PIK3CB: variants seen among roughly 807,000 people sequenced by gnomAD.
The protein encoded by PIK3CB is phosphatidylinositol-4,5-bisphosphate 3-kinase catalytic subunit beta, also known as phosphatidylinositol 4,5-bisphosphate 3-kinase catalytic subunit beta isoform.
A neutral mutation model predicts 136.8 loss-of-function variants in PIK3CB; 39 were observed. The ratio of observed to expected loss-of-function variants is 0.29; its 90% CI spans 0.22 to 0.37. PIK3CB has a LOEUF of 0.37. Ranked by LOEUF, PIK3CB falls within the 10% of genes least tolerant of loss-of-function variation. The pLI, the probability that PIK3CB is intolerant of heterozygous loss-of-function variation, is 1.00. For synonymous variants in PIK3CB, 428 were observed against 436.6 expected (o/e 0.98, Z 0.25); for missense variants, 868 against 1,275.4 (o/e 0.68, Z 4.87).
chr3:138,686,556 AAAG>A (rs972118062), intron 16 of PIK3CB, among the ~76,000 whole-genome samples: 1 of 152,210 alleles, frequency 6.6e-6, no homozygotes, highest in Non-Finnish European at 1.5e-5. Flanking sequence ...AGCCACGCAT[AAAG>A]AAGGAGCAGC....
chr3:138,664,125 G>A, intron 20 of PIK3CB, 96 bp from the exon 21 acceptor site: 3 of 1,415,180 alleles, frequency 2.1e-6, no homozygotes, highest in Non-Finnish European at 1.9e-6. Context: ...TTTTAATTGT[G>A]AGGAGAACAC....
At chr3:138,738,005 C>A (rs1392003840) in intron 5 of PIK3CB, 119 bp from the exon 6 acceptor site, 12 of 499,710 alleles carry the variant, frequency 2.4e-5, no homozygotes, top group Non-Finnish European at 3.3e-5. Flanking sequence ...ATGGGTACAT[C>A]CTTAACAAAT....
intron 8 of PIK3CB, among the ~76,000 whole-genome samples, chr3:138,725,140 A>C (rs1318387636): frequency 6.6e-6 from 1 of 152,140 alleles, no homozygotes; most frequent in African/African-American, 2.4e-5. Flanking sequence ...CTTCACTTCT[A>C]TGCAATATAT....
intron 3 of PIK3CB, among the ~76,000 whole-genome samples, chr3:138,758,661 C>T (rs1359331375): frequency 4.6e-5 from 7 of 152,162 alleles, no homozygotes; most frequent in Middle Eastern, 3.4e-3. Flanking sequence ...TTAAAAATAC[C>T]GTAACTCCTG....
intron 13 of PIK3CB, among the ~76,000 whole-genome samples, chr3:138,696,100 C>T (rs981969101): frequency 6.6e-6 from 1 of 151,596 alleles, no homozygotes; most frequent in Non-Finnish European, 1.5e-5. Context: ...TAATTTGACA[C>T]ATTAGAATTC....
intron 1 of PIK3CB, among the ~76,000 whole-genome samples, chr3:138,821,282 C>A (rs1171978515): frequency 1.8e-4 from 23 of 130,104 alleles, no homozygotes; most frequent in Non-Finnish European, 2.2e-4. Context: ...GACTCCGTCT[C>A]AAAAAAAAAA....
chr3:138,820,768 A>G (rs547212026), intron 1 of PIK3CB, among the ~76,000 whole-genome samples: 1 of 152,312 alleles, frequency 6.6e-6, no homozygotes, highest in South Asian at 2.1e-4. Context: ...TGCTGGGATT[A>G]TAGGCATGAG....
intron 3 of PIK3CB, among the ~76,000 whole-genome samples, chr3:138,757,495 A>G (rs188331323): frequency 6.6e-6 from 1 of 150,982 alleles, no homozygotes; most frequent in African/African-American, 2.4e-5. Flanking sequence ...ACACACACAC[A>G]CACACACACA....
intron 18 of PIK3CB, 42 bp from the exon 19 acceptor site, chr3:138,682,087 T>G: frequency 8.1e-7 from 1 of 1,228,358 alleles, no homozygotes; most frequent in Non-Finnish European, 1.2e-6. Context: ...GCTTTTCCTT[T>G]TATGCCCTGT....
chr3:138,790,682 C>T (rs1397152319), intron 2 of PIK3CB, among the ~76,000 whole-genome samples: 9 of 150,452 alleles, frequency 6.0e-5, no homozygotes, highest in Non-Finnish European at 8.9e-5. Context: ...GGCGTGGTGG[C>T]GGGTGCCTGT....
chr3:138,655,181 T>C lies in PIK3CB; in HGVS notation c.*208A>G. On this transcript the variant is annotated 3_prime_UTR_variant, in exon 24 of 24. Transcript: ENST00000674063. Reference sequence around the variant, plus strand: ...GATTATCCATTGACAGTTTTCATGATAAGTCTTGGAAGCATTCAAAAAGCA... The same window carrying C: ...GATTATCCATTGACAGTTTTCATGACAAGTCTTGGAAGCATTCAAAAAGCA... 1 of 511,926 alleles carries C rather than the reference T, an allele frequency of 2.0e-6. No individual in the cohort carries two copies. Among genetic ancestry groups the C allele is most frequent in the Non-Finnish European group, 3.4e-6 (1 of 290,794 alleles). 31.7% of individuals were successfully genotyped at this position (511,926 alleles called of 1,614,324 possible). A position where few individuals can be genotyped will look rare whatever the true frequency, so the allele number is the denominator to read the frequency against.
intron 2 of PIK3CB, among the ~76,000 whole-genome samples, chr3:138,774,182 G>A (rs1188715613): frequency 6.6e-6 from 1 of 152,152 alleles, no homozygotes; most frequent in African/African-American, 2.4e-5. Context: ...AATACCTATT[G>A]CAAAGCAAAC....
At chr3:138,676,479 G>T (rs1190727485) in intron 19 of PIK3CB, among the ~76,000 whole-genome samples, 1 of 152,118 alleles carries the variant, frequency 6.6e-6, no homozygotes, top group East Asian at 1.9e-4. Context: ...TTTACCAAAA[G>T]AATTTAAAAC....
chr3:138,729,258 G>C (rs2044915099), intron 8 of PIK3CB, among the ~76,000 whole-genome samples: 1 of 151,596 alleles, frequency 6.6e-6, no homozygotes, highest in Admixed American at 6.6e-5. Context: ...TCCAGCCTGG[G>C]TGACAGAGTG....
At chr3:138,830,745 C>T (rs1327939208) in intron 1 of PIK3CB, among the ~76,000 whole-genome samples, 2 of 143,332 alleles carry the variant, frequency 1.4e-5, no homozygotes, top group African/African-American at 5.2e-5. Flanking sequence ...TAAAAACACA[C>T]AAAAAAATTA....
intron 10 of PIK3CB, among the ~76,000 whole-genome samples, chr3:138,708,250 A>ATTT (rs1363336608): frequency 7.0e-6 from 1 of 142,328 alleles, no homozygotes. Context: ...CACGGACTCA[A>ATTT]TTTTTTCTTT....
intron 22 of PIK3CB, 39 bp from the exon 23 acceptor site, chr3:138,656,313 G>A: frequency 6.2e-7 from 1 of 1,609,194 alleles, no homozygotes; most frequent in Non-Finnish European, 8.5e-7. Context: ...CACAGTGTTA[G>A]AGGGGAGAGA....
At chr3:138,753,587 T>C (rs1438812699) in intron 4 of PIK3CB, among the ~76,000 whole-genome samples, 1 of 151,842 alleles carries the variant, frequency 6.6e-6, no homozygotes, top group Non-Finnish European at 1.5e-5. Context: ...TCCTAGCACT[T>C]TGGGAGGCAA....
intron 2 of PIK3CB, among the ~76,000 whole-genome samples, chr3:138,762,701 T>C (rs2045678786): frequency 6.6e-6 from 1 of 152,150 alleles, no homozygotes; most frequent in South Asian, 2.1e-4. Context: ...GCTCAGCCTA[T>C]AATCTCAGCA....
Sources: allele counts gnomAD v4.1 joint callset (sites outside exome capture counted in the v4.1 genomes callset), GRCh38; gene constraint gnomAD v4.1.1; transcripts MANE v1.5; gene names NCBI Gene and HGNC (gene_info 2026-07-23, HGNC 2026-07-21).